Variants in PAG1 observed in about 807,000 individuals in gnomAD.
PAG1 encodes the protein phosphoprotein membrane anchor with glycosphingolipid microdomains 1.
Under a neutral mutation model 31.7 loss-of-function variants are expected in PAG1, and 23 were observed. The observed-to-expected ratio is 0.73, with a 90% CI of 0.52 to 1.03. The LOEUF (loss-of-function observed/expected upper bound fraction) is 1.03. Ranked by LOEUF, PAG1 falls within the 50% of genes least tolerant of loss-of-function variation. PAG1 has a pLI of 0.00. For synonymous variants in PAG1, 214 were observed against 210.3 expected, an observed-to-expected ratio of 1.02 and a Z score of -0.15; for missense variants, 473 against 540.7, an observed-to-expected ratio of 0.87 and a Z score of 1.24.
intron 1 of PAG1, among the ~76,000 whole-genome samples, chr8:81,103,808 T>C (rs1352698823): frequency 1.3e-5 from 2 of 152,182 alleles, no homozygotes; most frequent in Non-Finnish European, 2.9e-5. Flanking sequence ...TCACCTTCTC[T>C]TTCAGTGTGT....
intron 1 of PAG1, among the ~76,000 whole-genome samples, chr8:81,083,806 G>C (rs111880066): frequency 0.034 from 5,154 of 152,048 alleles, 284 homozygotes; most frequent in African/African-American, 0.12. Context: ...AGGCTGAGGC[G>C]GGTAGATCAC....
intron 7 of PAG1, among the ~76,000 whole-genome samples, chr8:80,983,933 A>G (rs1420597251): frequency 6.6e-6 from 1 of 152,244 alleles, no homozygotes; most frequent in Non-Finnish European, 1.5e-5. Flanking sequence ...TTCTTGGTCT[A>G]ATTTATACAA....
intron 2 of PAG1, among the ~76,000 whole-genome samples, chr8:81,066,844 T>C (rs1180387674): frequency 6.6e-6 from 1 of 152,142 alleles, no homozygotes; most frequent in Non-Finnish European, 1.5e-5. Flanking sequence ...CGTGTGTGTA[T>C]AAAATTTTTC....
intron 4 of PAG1, 93 bp from the exon 5 acceptor site, chr8:80,991,623 T>A: frequency 1.2e-6 from 1 of 854,674 alleles, no homozygotes; most frequent in Non-Finnish European, 2.0e-6. Flanking sequence ...TATCAGCTTT[T>A]AAATCTCTCG....
chr8:81,026,953 G>C (rs1808291746), intron 3 of PAG1, among the ~76,000 whole-genome samples: 1 of 152,144 alleles, frequency 6.6e-6, no homozygotes, highest in African/African-American at 2.4e-5. Flanking sequence ...TTCAAGCCTT[G>C]GTGGTTTTTT....
intron 1 of PAG1, among the ~76,000 whole-genome samples, chr8:81,072,102 G>A (rs1310297914): frequency 6.6e-6 from 1 of 152,246 alleles, no homozygotes; most frequent in Admixed American, 6.5e-5. Flanking sequence ...GTGGCGTGGG[G>A]AGAGAGCTGG....
At chr8:81,092,306 C>T (rs774830104) in intron 1 of PAG1, among the ~76,000 whole-genome samples, 36 of 151,442 alleles carry the variant, frequency 2.4e-4, no homozygotes, top group Admixed American at 8.6e-4. Context: ...ATTGCTTGAG[C>T]GTGGGAGGTC....
chr8:81,088,719 C>T (rs1809399826), intron 1 of PAG1, among the ~76,000 whole-genome samples: 1 of 152,130 alleles, frequency 6.6e-6, no homozygotes, highest in African/African-American at 2.4e-5. Flanking sequence ...ACCCCACCAC[C>T]CACCTTCAGA....
intron 1 of PAG1, among the ~76,000 whole-genome samples, chr8:81,082,537 C>G (rs1443905778): frequency 6.6e-6 from 1 of 152,074 alleles, no homozygotes; most frequent in African/African-American, 2.4e-5. Flanking sequence ...TCTTATGGGT[C>G]TCTAATGACA....
chr8:81,093,831 A>T (rs546612954), intron 1 of PAG1, among the ~76,000 whole-genome samples: 31 of 151,304 alleles, frequency 2.0e-4, no homozygotes, highest in Middle Eastern at 3.4e-3. Flanking sequence ...AAATAATCAA[A>T]GCAGCAATCT....
intron 1 of PAG1, among the ~76,000 whole-genome samples, chr8:81,076,209 T>C (rs1202425017): frequency 6.6e-6 from 1 of 152,224 alleles, no homozygotes; most frequent in Admixed American, 6.5e-5. Context: ...GTTCAGCAAA[T>C]GCAAATGTGT....
At chr8:80,986,043 G>T (rs1464279883) in intron 6 of PAG1, among the ~76,000 whole-genome samples, 2 of 152,180 alleles carry the variant, frequency 1.3e-5, no homozygotes, top group African/African-American at 4.8e-5. Context: ...CAACCGTGTT[G>T]TGAGTGCCTG....
intron 2 of PAG1, among the ~76,000 whole-genome samples, chr8:81,054,792 G>T (rs1333399298): frequency 1.3e-5 from 2 of 152,158 alleles, no homozygotes; most frequent in African/African-American, 4.8e-5. Flanking sequence ...ATGTCTAAGT[G>T]ACACAGCTGG....
chr8:81,006,296 C>T (rs1402176815), intron 3 of PAG1, among the ~76,000 whole-genome samples: 1 of 152,208 alleles, frequency 6.6e-6, no homozygotes, highest in African/African-American at 2.4e-5. Context: ...AGGTAATTCA[C>T]TAGAAAACCC....
intron 1 of PAG1, among the ~76,000 whole-genome samples, chr8:81,073,913 G>A (rs2130983982): frequency 6.6e-6 from 1 of 152,266 alleles, no homozygotes; most frequent in South Asian, 2.1e-4. Context: ...AAGGTGGGGG[G>A]GAGGCAGGTC....
chr8:81,060,138 A>C (rs1189620889), intron 2 of PAG1, among the ~76,000 whole-genome samples: 1 of 152,206 alleles, frequency 6.6e-6, no homozygotes, highest in African/African-American at 2.4e-5. Context: ...CACTGGCATT[A>C]GATCAAAAAA....
intron 1 of PAG1, among the ~76,000 whole-genome samples, chr8:81,077,290 C>T (rs946738841): frequency 6.6e-6 from 1 of 152,220 alleles, no homozygotes; most frequent in African/African-American, 2.4e-5. Context: ...GTTTGGGACC[C>T]AGACAGCCTA....
intron 8 of PAG1, among the ~76,000 whole-genome samples, chr8:80,978,343 T>TA (rs574281266): frequency 3.2e-4 from 49 of 152,174 alleles, no homozygotes; most frequent in African/African-American, 7.2e-4. Flanking sequence ...TTGAATTTAA[T>TA]AAAAAAAATT....
At chr8:81,090,286 A>T (rs1228396173) in intron 1 of PAG1, among the ~76,000 whole-genome samples, 1 of 152,176 alleles carries the variant, frequency 6.6e-6, no homozygotes, top group Non-Finnish European at 1.5e-5. Context: ...ACATCTATGG[A>T]GCTCTTATTC....
Sources: gnomAD v4.1 joint callset for allele counts (sites outside exome capture counted in the v4.1 genomes callset) on GRCh38, gnomAD v4.1.1 for gene constraint, MANE v1.5 for transcripts, NCBI Gene and HGNC (gene_info 2026-07-23, HGNC 2026-07-21) for gene names.